GPHN: variants seen among roughly 807,000 people sequenced by gnomAD.
The protein encoded by GPHN is gephyrin.
A neutral mutation model predicts 95.5 loss-of-function variants in GPHN; 17 were observed. That is an observed-to-expected ratio of 0.18 (90% CI 0.12 to 0.27). The LOEUF (loss-of-function observed/expected upper bound fraction) is 0.27. Among genes scored for constraint, GPHN ranks in the 10% least tolerant of loss-of-function variants. The pLI is 1.00. For missense variants in GPHN, 660 were observed against 978.1 expected (o/e 0.67, Z 4.34); for synonymous variants, 320 against 322.5 (o/e 0.99, Z 0.08).
chr14:67,041,869 T>C (rs970933790), intron 10 of GPHN, among the ~76,000 whole-genome samples: 3 of 152,200 alleles, frequency 2.0e-5, no homozygotes, highest in Admixed American at 2.0e-4. Context: ...CCACAACCTC[T>C]CCAGCATCTG....
chr14:67,589,758 A>T, the GPHN span: 2 of 1,038,450 alleles, frequency 1.9e-6, no homozygotes, highest in African/African-American at 3.4e-5. Context: ...CTTCACAAAC[A>T]TCAACAAAGT....
chr14:67,164,428 G>C (rs2082153923), intron 19 of GPHN, among the ~76,000 whole-genome samples: 1 of 152,086 alleles, frequency 6.6e-6, no homozygotes, highest in Admixed American at 6.5e-5. Flanking sequence ...AGGATTGAAA[G>C]AAAAAGGTTA....
At chr14:67,542,035 G>T in the GPHN span, 1 of 1,532,522 alleles carries the variant, frequency 6.5e-7, no homozygotes, top group Non-Finnish European at 8.8e-7. Flanking sequence ...CACACGCAGA[G>T]GTTTATGGCA....
chr14:66,593,141 C>T (rs1411247545), intron 1 of GPHN, among the ~76,000 whole-genome samples: 2 of 151,968 alleles, frequency 1.3e-5, no homozygotes, highest in African/African-American at 4.8e-5. Flanking sequence ...CACACTGGGG[C>T]CTGTCTGGGG....
At chr14:66,722,762 C>T (rs555619312) in intron 2 of GPHN, among the ~76,000 whole-genome samples, 1 of 152,214 alleles carries the variant, frequency 6.6e-6, no homozygotes, top group African/African-American at 2.4e-5. Context: ...TATTAAAAAA[C>T]AACAACAACA....
At chr14:67,312,512 C>CT in the GPHN span, 3 of 1,499,892 alleles carry the variant, frequency 2.0e-6, no homozygotes, top group Non-Finnish European at 2.7e-6. Context: ...TGTTTTTGCC[C>CT]TTTTTATCTT....
At chr14:66,623,004 A>G (rs2063370197) in intron 1 of GPHN, among the ~76,000 whole-genome samples, 1 of 152,112 alleles carries the variant, frequency 6.6e-6, no homozygotes, top group Admixed American at 6.5e-5. Context: ...TTACTGTATT[A>G]ATCCATTTTC....
the GPHN span, among the ~76,000 whole-genome samples, chr14:67,463,336 T>C: frequency 6.6e-6 from 1 of 151,292 alleles, no homozygotes; most frequent in Non-Finnish European, 1.5e-5. Flanking sequence ...TGTCTAATAT[T>C]CCATTTTAAG....
intron 17 of GPHN, among the ~76,000 whole-genome samples, chr14:67,135,122 A>G (rs10145511): frequency 0.33 from 49,123 of 149,932 alleles, 12,676 homozygotes; most frequent in African/African-American, 0.7. Flanking sequence ...ACCACACCCA[A>G]CTAATTTTTA....
At chr14:66,670,757 G>A (rs550911392) in intron 1 of GPHN, among the ~76,000 whole-genome samples, 72 of 152,188 alleles carry the variant, frequency 4.7e-4, no homozygotes, top group African/African-American at 1.5e-3. Context: ...GCACCACTGC[G>A]TTCTAGCCTG....
chr14:67,733,710 C>T, the GPHN span: 1 of 1,409,088 alleles, frequency 7.1e-7, no homozygotes, highest in South Asian at 1.2e-5. Context: ...TGCTAATTCT[C>T]ATTCCTGGAA....
At chr14:66,854,113 A>T (rs2062702903) in intron 4 of GPHN, among the ~76,000 whole-genome samples, 1 of 152,204 alleles carries the variant, frequency 6.6e-6, no homozygotes, top group Non-Finnish European at 1.5e-5. Flanking sequence ...TGTGGCAAAG[A>T]TTTAGTCCCT....
intron 1 of GPHN, among the ~76,000 whole-genome samples, chr14:66,630,727 C>T (rs938553830): frequency 1.3e-5 from 2 of 152,114 alleles, no homozygotes; most frequent in Non-Finnish European, 2.9e-5. Context: ...CTGCCTCGGC[C>T]TCCCAAAGTG....
the GPHN span, among the ~76,000 whole-genome samples, chr14:67,686,466 C>G: frequency 6.6e-6 from 1 of 151,962 alleles, no homozygotes; most frequent in East Asian, 1.9e-4. Flanking sequence ...CAGTGAAACC[C>G]CGTCTCTACT....
the GPHN span, chr14:67,578,290 C>A: frequency 4.2e-6 from 5 of 1,178,458 alleles, no homozygotes; most frequent in East Asian, 9.4e-5. This position sits in a 1 kb window ranked among gnomAD's most constrained non-coding sequence, Gnocchi z 5.0. Flanking sequence ...GGCAGGTATA[C>A]GGTGAGCCCA....
At chr14:66,880,794 C>T (rs1395137485) in intron 5 of GPHN, among the ~76,000 whole-genome samples, 1 of 151,840 alleles carries the variant, frequency 6.6e-6, no homozygotes, top group Non-Finnish European at 1.5e-5. Context: ...TATCCATCCT[C>T]GATTTAATGG....
At chr14:67,434,480 T>A in the GPHN span, among the ~76,000 whole-genome samples, 3 of 152,168 alleles carry the variant, frequency 2.0e-5, no homozygotes, top group African/African-American at 7.2e-5. Flanking sequence ...TTTCTTAAAA[T>A]GGGGCTGAAG....
intron 4 of GPHN, among the ~76,000 whole-genome samples, chr14:66,846,818 A>G (rs185956175): frequency 0.012 from 1,828 of 152,246 alleles, 19 homozygotes; most frequent in Non-Finnish European, 0.018. Context: ...CTAATGTCCA[A>G]TAGGCTGTTC....
chr14:66,963,466 C>G (rs1320834655), intron 8 of GPHN, among the ~76,000 whole-genome samples: 2 of 151,950 alleles, frequency 1.3e-5, no homozygotes, highest in Non-Finnish European at 2.9e-5. Flanking sequence ...GGGAGACAGA[C>G]ATTGATCAAA....
Sources: allele counts gnomAD v4.1 joint callset (sites outside exome capture counted in the v4.1 genomes callset), GRCh38; gene constraint gnomAD v4.1.1; non-coding constraint Gnocchi (gnomAD v3.1); transcripts MANE v1.5; gene names NCBI Gene and HGNC (gene_info 2026-07-23, HGNC 2026-07-21).